Variants in GTF2A1L observed in about 807,000 individuals in gnomAD.
GTF2A1L encodes general transcription factor IIA subunit 1 like, also known as TFIIA-alpha and beta-like factor.
GTF2A1L carries 48 observed loss-of-function variants against 49.7 expected under a neutral mutation model. The observed-to-expected ratio is 0.97, with a 90% CI of 0.77 to 1.23. The LOEUF is 1.23. Among genes scored for constraint, GTF2A1L ranks in the 50% most tolerant of loss-of-function variants. The pLI, the probability that GTF2A1L is intolerant of heterozygous loss-of-function variation, is 0.00. For synonymous variants in GTF2A1L, 246 were observed against 193.5 expected, an observed-to-expected ratio of 1.27 and a Z score of -2.25; for missense variants, 736 against 564.8, an observed-to-expected ratio of 1.30 and a Z score of -3.07.
At chr2:48,658,422 C>G (rs1678300996) in intron 6 of GTF2A1L, among the ~76,000 whole-genome samples, 1 of 152,110 alleles carries the variant, frequency 6.6e-6, no homozygotes, top group East Asian at 1.9e-4. Context: ...AGATGCATGG[C>G]TTTATTTCTA....
At chr2:48,657,758 CTCT>C (rs1678262670) in intron 6 of GTF2A1L, among the ~76,000 whole-genome samples, 1 of 66,932 alleles carries the variant, frequency 1.5e-5, no homozygotes, top group Non-Finnish European at 3.4e-5. Context: ...TTGCTGGAAT[CTCT>C]TGTTTTTTTT....
intron 3 of GTF2A1L, chr2:48,633,492 T>C (rs1676702425): frequency 6.6e-6 from 1 of 152,466 alleles, no homozygotes; most frequent in Non-Finnish European, 1.5e-5. Context: ...TTTATTCCTC[T>C]GTGGTCTATG....
intron 6 of GTF2A1L, among the ~76,000 whole-genome samples, chr2:48,657,930 T>C (rs1014891145): frequency 2.6e-5 from 4 of 152,190 alleles, no homozygotes; most frequent in Admixed American, 2.0e-4. Context: ...TTCATATCAT[T>C]TGCCTACTTT....
chr2:48,621,151 T>C lies in GTF2A1L; in HGVS notation c.124-16T>C. ...ATATATTTTTTTAAAGTAAACTTTT[T>C]TTTTCCCCTCTGCAGCTCTGGGAAA... On this transcript the variant is annotated splice_polypyrimidine_tract_variant and intron_variant, in intron 2 of 8. Coordinates refer to ENST00000403751, the MANE Select transcript of GTF2A1L (RefSeq NM_006872.5). 1.3e-6 allele frequency: 2 copies of C among 1,595,184 alleles called. No individual in the cohort carries two copies. The highest frequency in any genetic ancestry group is 2.2e-5 in the East Asian group (1 of 44,824).
intron 1 of GTF2A1L, among the ~76,000 whole-genome samples, chr2:48,618,630 T>G (rs1011245738): frequency 7.9e-5 from 12 of 152,238 alleles, no homozygotes; most frequent in African/African-American, 2.4e-4. Context: ...CAGCTCCATT[T>G]TTAGAGACAT....
In GTF2A1L at chr2:48,634,813, T is replaced by C. The variant is rs189260250; in HGVS notation, c.248-7589T>C. Among the ~76,000 whole-genome samples, 640 of 152,344 alleles carry C rather than the reference T, an allele frequency of 4.2e-3. 3 individuals are homozygous for C. Among genetic ancestry groups the C allele is most frequent in the Admixed American group, 6.3e-3 (97 of 15,306 alleles). On this transcript the variant is annotated intron_variant, in intron 3 of 8. Transcript: ENST00000403751. ...TTGTACAGGATCTGACCTTTTTCTC[T>C]AGCTGCCTCTAAGATTTTTTCTTTA...
chr2:48,635,758 G>A (rs1469543698), intron 3 of GTF2A1L, among the ~76,000 whole-genome samples: 3 of 152,084 alleles, frequency 2.0e-5, no homozygotes, highest in Non-Finnish European at 4.4e-5. Context: ...CATGCAGCTG[G>A]GTTACCTAGA....
intron 3 of GTF2A1L, among the ~76,000 whole-genome samples, chr2:48,623,068 A>G (rs957626143): frequency 1.3e-5 from 2 of 152,188 alleles, no homozygotes; most frequent in African/African-American, 4.8e-5. Flanking sequence ...TACATCATTT[A>G]TAATGAAGAG....
chr2:48,619,527 CAGGAGTATTT>C (rs535382877), intron 1 of GTF2A1L, among the ~76,000 whole-genome samples: 22 of 150,702 alleles, frequency 1.5e-4, no homozygotes, highest in Non-Finnish European at 2.5e-4. Context: ...TTGGCATGAA[CAGGAGTATTT>C]AGGAGTATTT....
Position 48,645,028 on chromosome 2 carries a change from T to C in GTF2A1L, c.304-5T>C. 6.2e-7 allele frequency: 1 copy of C among 1,606,502 alleles called. No homozygotes were observed. The highest frequency in any genetic ancestry group is 1.3e-5 in the African/African-American group (1 of 74,480). ...AACTTTCTAATATAAATTTCTTATA[T>C]CTAGGGCACTTCAAACTCCAGTGCA... On this transcript the variant is annotated splice_polypyrimidine_tract_variant and splice_region_variant and intron_variant, in intron 4 of 8. Transcript: ENST00000403751.
intron 4 of GTF2A1L, among the ~76,000 whole-genome samples, chr2:48,643,226 C>T (rs3792243): frequency 0.17 from 26,543 of 151,896 alleles, 2,678 homozygotes; most frequent in South Asian, 0.25. Flanking sequence ...TTTATATTTT[C>T]CCCCTTAGTA....
At chr2:48,651,389 C>A (rs942323273) in intron 6 of GTF2A1L, among the ~76,000 whole-genome samples, 1 of 149,844 alleles carries the variant, frequency 6.7e-6, no homozygotes, top group Non-Finnish European at 1.5e-5. Context: ...TGATTTTAAT[C>A]ATTATTTGTA....
chr2:48,668,837 A>AAAATAAAT (rs10529379), intron 6 of GTF2A1L, among the ~76,000 whole-genome samples: 21 of 150,342 alleles, frequency 1.4e-4, no homozygotes, highest in East Asian at 1.4e-3. Context: ...CCCGCCTCAA[A>AAAATAAAT]AAATAAATAA....
At chr2:48,670,054 C>G (rs575979004) in intron 7 of GTF2A1L, 72 bp downstream of exon 7, 2 of 1,516,934 alleles carry the variant, frequency 1.3e-6, no homozygotes, top group Admixed American at 4.4e-5. Context: ...GCCTTGGAAC[C>G]AAAAGGAATA....
In GTF2A1L at chr2:48,646,553, C is replaced by T; in HGVS notation, c.489C>T (p.Gly163=). 1 of 1,614,130 alleles carries T rather than the reference C, an allele frequency of 6.2e-7. No homozygotes were observed. Residue 163 remains glycine (G), a synonymous_variant, in exon 6 of 9, where the codon GGC becomes GGT. Transcript: ENST00000403751. ...TTCAGCAAGTATTTCAACAGCTTGGCCAGCCTTCAGTAATACAAACTAGTG... is the reference window on the plus strand; with the variant it reads ...TTCAGCAAGTATTTCAACAGCTTGGTCAGCCTTCAGTAATACAAACTAGTG... ...HPIQQVFQQL[G]QPSVIQTSVP...
intron 3 of GTF2A1L, among the ~76,000 whole-genome samples, chr2:48,623,908 G>C (rs1676153217): frequency 6.6e-6 from 1 of 152,186 alleles, no homozygotes; most frequent in Admixed American, 6.5e-5. Flanking sequence ...TCCAAAAGGA[G>C]AGAAGGAGAG....
intron 3 of GTF2A1L, among the ~76,000 whole-genome samples, chr2:48,628,197 G>T (rs1339361081): frequency 6.9e-6 from 1 of 144,040 alleles, no homozygotes; most frequent in Non-Finnish European, 1.6e-5. Context: ...GGGAGTGCAT[G>T]TGTCATTTTG....
At chr2:48,659,676 G>T (rs755156094) in intron 6 of GTF2A1L, among the ~76,000 whole-genome samples, 16 of 151,888 alleles carry the variant, frequency 1.1e-4, no homozygotes, top group Non-Finnish European at 2.1e-4. Context: ...GCATATACAA[G>T]TCTTTTGCCT....
At chr2:48,650,951 T>C (rs916661827) in intron 6 of GTF2A1L, among the ~76,000 whole-genome samples, 2 of 152,206 alleles carry the variant, frequency 1.3e-5, no homozygotes, top group Non-Finnish European at 2.9e-5. Flanking sequence ...GTTAGGCTTA[T>C]CTTGTTTTAT....
Sources: gnomAD v4.1 joint callset for allele counts (sites outside exome capture counted in the v4.1 genomes callset) on GRCh38, gnomAD v4.1.1 for gene constraint, MANE v1.5 for transcripts, NCBI Gene and HGNC (gene_info 2026-07-23, HGNC 2026-07-21) for gene names.